Variants in ZNF654 observed in about 807,000 individuals in gnomAD.
ZNF654 encodes the protein zinc finger protein 654.
Under a neutral mutation model 95.3 loss-of-function variants are expected in ZNF654, and 19 were observed. That is an observed-to-expected ratio of 0.20 (90% CI 0.14 to 0.29). ZNF654 has a LOEUF of 0.29. Among genes scored for constraint, ZNF654 ranks in the 10% least tolerant of loss-of-function variants. ZNF654 has a pLI of 1.00. For synonymous variants in ZNF654, 413 were observed against 457.9 expected, an observed-to-expected ratio of 0.90 and a Z score of 1.25; for missense variants, 1,046 against 1,341.0, an observed-to-expected ratio of 0.78 and a Z score of 3.44.
At chr3:88,125,425 A>C (rs983565011) in intron 3 of ZNF654, among the ~76,000 whole-genome samples, 1 of 152,194 alleles carries the variant, frequency 6.6e-6, no homozygotes, top group Non-Finnish European at 1.5e-5. Context: ...AAAACATTTC[A>C]AATATCTTTT....
Position 88,059,540 on chromosome 3 carries a change from C to T in ZNF654, c.186+35C>T, listed in dbSNP as rs747811840. The T allele has an allele frequency of 3.0e-5, 44 of 1,456,990 alleles. No individual in the cohort carries two copies. The Middle Eastern group carries it at 7.1e-4, about 24-fold the overall frequency. The allele number at this position is 1,456,990 out of a possible 1,614,324, so 90.3% of individuals were successfully genotyped here. On this transcript the variant is annotated intron_variant, in intron 1 of 8. Coordinates refer to ENST00000636215, the MANE Select transcript of ZNF654 (RefSeq NM_001350134.2). ...CCGTTGGCCGCCCCGACTTGTCACC[C>T]GGGTCCTGGGCCTCTCTGCGTCTCC...
chr3:88,140,207 T>C lies in ZNF654; in HGVS notation c.2538T>C (p.Cys846=). 1 of 1,613,880 alleles carries C rather than the reference T, an allele frequency of 6.2e-7. No individual in the cohort carries two copies. Among genetic ancestry groups the C allele is most frequent in the Non-Finnish European group, 8.5e-7 (1 of 1,179,788 alleles). The part of the protein sequence containing the change: ...TKSHRIFQAQ[C]SFPECHELFE... ...GTCACAGGATATTTCAGGCTCAGTG[T>C]AGTTTTCCAGAATGCCATGAGCTTT... Residue 846 remains cysteine (C), a synonymous_variant, in exon 8 of 9, where the codon TGT becomes TGC. Transcript: ENST00000636215.
At chr3:88,110,648 G>A (rs1311596355) in intron 2 of ZNF654, among the ~76,000 whole-genome samples, 1 of 151,924 alleles carries the variant, frequency 6.6e-6, no homozygotes, top group Admixed American at 6.6e-5. Context: ...ATACTATTTT[G>A]GACTCATTCA....
chr3:88,099,918 G>C (rs1356969904), intron 2 of ZNF654, among the ~76,000 whole-genome samples: 1 of 152,134 alleles, frequency 6.6e-6, no homozygotes, highest in Non-Finnish European at 1.5e-5. Context: ...GCATGGGCAA[G>C]GACTTCATGA....
At chr3:88,129,242 A>T (rs1488441275) in intron 5 of ZNF654, among the ~76,000 whole-genome samples, 1 of 151,292 alleles carries the variant, frequency 6.6e-6, no homozygotes, top group East Asian at 1.9e-4. Context: ...ACTCATTAAT[A>T]AGTATTATTC....
chr3:88,079,199 A>G (rs1032444620), intron 1 of ZNF654, among the ~76,000 whole-genome samples: 1 of 152,116 alleles, frequency 6.6e-6, no homozygotes, highest in African/African-American at 2.4e-5. Flanking sequence ...TGATAGTCCA[A>G]CTAATTCTGA....
chr3:88,131,544 C>T lies in ZNF654; in HGVS notation c.893+1718C>T, dbSNP rs144182896. On this transcript the variant is annotated intron_variant, in intron 6 of 8. Coordinates refer to ENST00000636215, the MANE Select transcript of ZNF654 (RefSeq NM_001350134.2). The stretch of plus-strand genomic sequence containing the variant: ...ACACACACACAAACCCAGAAAAACA[C>T]ATTTTATTTTCTTATTCTCTTGGTA... Among the ~76,000 whole-genome samples, 5 of 152,092 alleles carry T rather than the reference C, an allele frequency of 3.3e-5. No homozygotes were observed. The East Asian group carries it at 9.7e-4, about 29-fold the overall frequency.
At chr3:88,130,357 G>T (rs1706373602) in intron 6 of ZNF654, among the ~76,000 whole-genome samples, 1 of 152,062 alleles carries the variant, frequency 6.6e-6, no homozygotes, top group African/African-American at 2.4e-5. Context: ...ATGATCATGG[G>T]CTATAAACAT....
At chr3:88,061,230 ATTTG>A in intron 1 of ZNF654, among the ~76,000 whole-genome samples, 2 of 152,246 alleles carry the variant, frequency 1.3e-5, no homozygotes, top group Admixed American at 1.3e-4. Flanking sequence ...AATCTATTTA[ATTTG>A]TTTGTTTTGC....
intron 3 of ZNF654, among the ~76,000 whole-genome samples, chr3:88,114,213 A>G (rs1288113463): frequency 1.3e-5 from 2 of 152,142 alleles, no homozygotes; most frequent in Non-Finnish European, 2.9e-5. Context: ...TTCCTTAGAG[A>G]AAAATAAAGG....
At chr3:88,073,400 G>C (rs1707624976) in intron 1 of ZNF654, among the ~76,000 whole-genome samples, 2 of 152,150 alleles carry the variant, frequency 1.3e-5, no homozygotes, top group South Asian at 4.1e-4. Flanking sequence ...TAAAGGCAAA[G>C]TCATGCCATT....
intron 1 of ZNF654, among the ~76,000 whole-genome samples, chr3:88,072,753 C>CA (rs747345814): frequency 3.5e-4 from 53 of 151,882 alleles, no homozygotes; most frequent in Non-Finnish European, 4.1e-4. Context: ...TATCCCTCCA[C>CA]AAAAAAATGA....
intron 3 of ZNF654, among the ~76,000 whole-genome samples, chr3:88,120,188 T>C (rs1482142785): frequency 1.1e-4 from 16 of 152,154 alleles, no homozygotes; most frequent in Admixed American, 1.0e-3. Context: ...TATCTGAAAA[T>C]TAAGTTGCAA....
chr3:88,132,451 T>G (rs1161584785), intron 6 of ZNF654, among the ~76,000 whole-genome samples: 2 of 152,208 alleles, frequency 1.3e-5, no homozygotes, highest in African/African-American at 2.4e-5. Flanking sequence ...CCTGCCCTTT[T>G]GGTCTTCTAA....
chr3:88,130,752 C>G (rs1706410314), intron 6 of ZNF654, among the ~76,000 whole-genome samples: 1 of 151,742 alleles, frequency 6.6e-6, no homozygotes, highest in Non-Finnish European at 1.5e-5. Context: ...GCCACTGTGC[C>G]TGGCCCTATT....
In ZNF654 at chr3:88,140,345, A is replaced by T. The variant is rs1707044405; in HGVS notation, c.2676A>T (p.Ser892=). 2 of 1,613,564 alleles carry T rather than the reference A, an allele frequency of 1.2e-6. No individual in the cohort carries two copies. The highest frequency in any genetic ancestry group is 1.7e-6 in the Non-Finnish European group (2 of 1,179,658). The change falls in exon 8 of 9, where the codon TCA becomes TCT. Residue 892 remains serine (S), a synonymous_variant. Transcript: ENST00000636215. Reference sequence around the variant, plus strand: ...TTCTTTGGGATGTTCAGACAGACTCAAATCCTAATCAGGAAAAAGACTCAT... The same window carrying T: ...TTCTTTGGGATGTTCAGACAGACTCTAATCCTAATCAGGAAAAAGACTCAT... ...ETILWDVQTD[S]NPNQEKDSSS... is the part of the protein sequence containing the mutation.
intron 2 of ZNF654, among the ~76,000 whole-genome samples, chr3:88,099,117 G>C (rs573191302): frequency 6.6e-6 from 1 of 152,172 alleles, no homozygotes. Context: ...TCCTTAAGCT[G>C]ATAGGCAACT....
intron 3 of ZNF654, among the ~76,000 whole-genome samples, chr3:88,117,724 G>C (rs1385734602): frequency 2.0e-5 from 3 of 152,074 alleles, no homozygotes; most frequent in Non-Finnish European, 4.4e-5. Context: ...TCTGGAACTA[G>C]GATCTCAGAT....
In ZNF654 at chr3:88,142,535, C is replaced by A. The variant is rs922259330; in HGVS notation, c.*883C>A. 1.2e-4 allele frequency: 19 copies of A among 152,270 alleles called. No homozygotes were observed. The highest frequency in any genetic ancestry group is 4.6e-4 in the African/African-American group (19 of 41,366). The allele number at this position is 152,270 out of a possible 1,614,324, so 9.4% of individuals were successfully genotyped here. ...ATGGTAAAAGCACACTGGGATACTT[C>A]TGTTTGTGTATATGTTGGGACATTG... On this transcript the variant is annotated 3_prime_UTR_variant, in exon 9 of 9. Coordinates refer to ENST00000636215, the MANE Select transcript of ZNF654 (RefSeq NM_001350134.2).
Sources: allele counts gnomAD v4.1 joint callset (sites outside exome capture counted in the v4.1 genomes callset), GRCh38; gene constraint gnomAD v4.1.1; transcripts MANE v1.5; gene names NCBI Gene and HGNC (gene_info 2026-07-23, HGNC 2026-07-21).